Variants in NPSR1 observed in about 807,000 individuals in gnomAD.
NPSR1 encodes neuropeptide S receptor.
NPSR1 carries 48 observed loss-of-function variants against 46.9 expected under a neutral mutation model. The observed-to-expected ratio is 1.02, with a 90% confidence interval of 0.81 to 1.30. The LOEUF (loss-of-function observed/expected upper bound fraction) is 1.30, where lower values mean the gene tolerates loss of function less well. Ranked by LOEUF, NPSR1 falls within the 50% of genes most tolerant of loss-of-function variation. NPSR1 has a pLI of 0.00. For synonymous variants in NPSR1, 176 were observed against 168.1 expected, an observed-to-expected ratio of 1.05 and a Z score of -0.36; for missense variants, 450 against 449.5, an observed-to-expected ratio of 1.00 and a Z score of -0.01.
intron 2 of NPSR1, among the ~76,000 whole-genome samples, chr7:34,765,435 A>C (rs1379387558): frequency 6.6e-6 from 1 of 152,360 alleles, no homozygotes; most frequent in East Asian, 1.9e-4. Context: ...ATGGCAAAGA[A>C]GCACCTTTAA....
chr7:34,688,259 T>C (rs575341283), intron 2 of NPSR1, among the ~76,000 whole-genome samples: 5 of 152,276 alleles, frequency 3.3e-5, no homozygotes, highest in African/African-American at 1.2e-4. Context: ...AACTATAATT[T>C]TCCATGCACA....
At chr7:34,698,754 G>C (rs1178128316) in intron 2 of NPSR1, among the ~76,000 whole-genome samples, 2 of 152,056 alleles carry the variant, frequency 1.3e-5, no homozygotes, top group Non-Finnish European at 2.9e-5. Flanking sequence ...CATTTACAAT[G>C]GTTTAGACAA....
intron 2 of NPSR1, among the ~76,000 whole-genome samples, chr7:34,755,583 T>C (rs1054667252): frequency 1.3e-5 from 2 of 152,166 alleles, no homozygotes; most frequent in African/African-American, 4.8e-5. Context: ...TTTGGGTCAT[T>C]TCCAGTTTAG....
Position 34,694,968 on chromosome 7 carries a change from A to G in NPSR1, c.280+10284A>G, listed in dbSNP as rs1269690241. Among the ~76,000 whole-genome samples the G allele has an allele frequency of 3.3e-5, 5 of 152,350 alleles. No homozygotes were observed. The East Asian group carries it at 7.7e-4, about 24-fold the overall frequency. On this transcript the variant is annotated intron_variant, in intron 2 of 8. Transcript: ENST00000360581. ...TGTGATCTGCCAGCCTCAGCCTCTC[A>G]AAGTGCTGGGATTACAGGTGTGAAC...
chr7:34,721,868 A>ATGTTTTCTCTTCC (rs1783874269), intron 2 of NPSR1, among the ~76,000 whole-genome samples: 1 of 152,220 alleles, frequency 6.6e-6, no homozygotes, highest in African/African-American at 2.4e-5. Context: ...CCTAAGACTA[A>ATGTTTTCTCTTCC]AGAAATAATG....
chr7:34,770,576 G>T (rs541616893), intron 2 of NPSR1, among the ~76,000 whole-genome samples: 1 of 152,230 alleles, frequency 6.6e-6, no homozygotes, highest in East Asian at 1.9e-4. Flanking sequence ...TTAGCTAGGT[G>T]TTGAAAGAAA....
At chr7:34,721,368 C>A (rs1023202058) in intron 2 of NPSR1, among the ~76,000 whole-genome samples, 1 of 152,138 alleles carries the variant, frequency 6.6e-6, no homozygotes, top group Non-Finnish European at 1.5e-5. Context: ...ATCAAACCTA[C>A]AATAGAAGAA....
intron 3 of NPSR1, among the ~76,000 whole-genome samples, chr7:34,793,770 C>T (rs1788045842): frequency 1.3e-5 from 2 of 152,094 alleles, no homozygotes; most frequent in Non-Finnish European, 2.9e-5. Flanking sequence ...ATCTGCTGTC[C>T]TGTGTTTATT....
At chr7:34,779,237 T>C (rs756832870) in intron 3 of NPSR1, among the ~76,000 whole-genome samples, 1 of 151,986 alleles carries the variant, frequency 6.6e-6, no homozygotes, top group Non-Finnish European at 1.5e-5. Context: ...TACTTGTTAA[T>C]ATGCATTAGA....
intron 2 of NPSR1, among the ~76,000 whole-genome samples, chr7:34,731,497 CT>C (rs140854280): frequency 0.13 from 19,078 of 152,106 alleles, 1,458 homozygotes; most frequent in Non-Finnish European, 0.17. Flanking sequence ...AAAAGTACCC[CT>C]GGGTTACATT....
chr7:34,671,548 G>A (rs1242059496), intron 1 of NPSR1, among the ~76,000 whole-genome samples: 1 of 152,138 alleles, frequency 6.6e-6, no homozygotes, highest in African/African-American at 2.4e-5. Flanking sequence ...ATGCAGGCAA[G>A]GGAACAAGAC....
intron 1 of NPSR1, among the ~76,000 whole-genome samples, chr7:34,659,335 T>G (rs1216780619): frequency 7.9e-5 from 12 of 152,234 alleles, no homozygotes; most frequent in Non-Finnish European, 1.5e-5. Context: ...TCTAACGATA[T>G]GTTTAGTCAT....
chr7:34,666,835 A>G (rs1400858203), intron 1 of NPSR1, among the ~76,000 whole-genome samples: 1 of 152,188 alleles, frequency 6.6e-6, no homozygotes, highest in Non-Finnish European at 1.5e-5. Flanking sequence ...TACATTACAA[A>G]GAGATTGAAT....
At chr7:34,789,272 A>G (rs1456298761) in intron 3 of NPSR1, among the ~76,000 whole-genome samples, 6 of 151,998 alleles carry the variant, frequency 3.9e-5, no homozygotes, top group African/African-American at 9.7e-5. Context: ...TCCCTTTCAT[A>G]AAAAGGGAGA....
At chr7:34,779,182 TATTTG>T (rs1362180463) in intron 3 of NPSR1, among the ~76,000 whole-genome samples, 1 of 152,026 alleles carries the variant, frequency 6.6e-6, no homozygotes, top group Non-Finnish European at 1.5e-5. Context: ...ATCATATGTA[TATTTG>T]ATTTAAAATA....
chr7:34,845,018 T>C (rs1039808696), intron 7 of NPSR1, 36 bp downstream of exon 7: 5 of 1,475,764 alleles, frequency 3.4e-6, no homozygotes, highest in Non-Finnish European at 4.7e-6. Context: ...TAAAGTGGTA[T>C]GAACGTCCCA....
intron 3 of NPSR1, among the ~76,000 whole-genome samples, chr7:34,788,702 A>C (rs1476200740): frequency 6.6e-6 from 1 of 152,134 alleles, no homozygotes; most frequent in African/African-American, 2.4e-5. Context: ...AATAGACTGC[A>C]ATAAAATCAT....
chr7:34,848,514 G>T lies in NPSR1; in HGVS notation c.876G>T (p.Leu292=). The T allele has an allele frequency of 6.2e-7, 1 of 1,614,160 alleles. No individual in the cohort carries two copies. The highest frequency in any genetic ancestry group is 1.1e-5 in the South Asian group (1 of 91,084). ...AFICCWSPYF[L]FDILDNFNLL... Reference sequence around the variant, plus strand: ...TCTGCTGTTGGAGTCCATACTTCCTGTTTGACATTTTGGACAATTTCAACC... The same window carrying T: ...TCTGCTGTTGGAGTCCATACTTCCTTTTTGACATTTTGGACAATTTCAACC... Residue 292 remains leucine, a synonymous_variant, in exon 8 of 9, where the codon CTG becomes CTT. Transcript: ENST00000360581.
intron 4 of NPSR1, among the ~76,000 whole-genome samples, chr7:34,814,786 G>T (rs980103794): frequency 6.6e-6 from 1 of 152,196 alleles, no homozygotes. Context: ...GTCTGGAGTG[G>T]ATCTCCAGTA....
Sources: allele counts gnomAD v4.1 joint callset (sites outside exome capture counted in the v4.1 genomes callset), GRCh38; gene constraint gnomAD v4.1.1; transcripts MANE v1.5; gene names NCBI Gene and HGNC (gene_info 2026-07-23, HGNC 2026-07-21).